MIA3: variants seen among roughly 807,000 people sequenced by gnomAD.
MIA3 encodes the protein MIA SH3 domain ER export factor 3.
Under a neutral mutation model 192.4 loss-of-function variants are expected in MIA3, and 90 were observed. The ratio of observed to expected loss-of-function variants is 0.47; its 90% CI spans 0.39 to 0.56. The LOEUF is 0.56. Among genes scored for constraint, MIA3 ranks in the 20% least tolerant of loss-of-function variants. The probability of loss-of-function intolerance (pLI) is 0.00; values close to 1 mark genes in which losing one functional copy is unlikely to be tolerated. For synonymous variants in MIA3, 740 were observed against 792.8 expected (o/e 0.93, Z 1.12); for missense variants, 2,123 against 2,269.4 (o/e 0.94, Z 1.31).
At chr1:222,651,809 T>G (rs1262583284) in intron 11 of MIA3, among the ~76,000 whole-genome samples, 168 bp from the exon 12 acceptor site, 1 of 152,182 alleles carries the variant, frequency 6.6e-6, no homozygotes, top group African/African-American at 2.4e-5. Flanking sequence ...CCTTACCTCT[T>G]TAAGTTCTTG....
intron 6 of MIA3, chr1:222,644,725 G>A: frequency 1.1e-6 from 1 of 915,366 alleles, no homozygotes; most frequent in Non-Finnish European, 1.7e-6. Context: ...ACGTTTCTAT[G>A]CTGTTTAGGG....
intron 6 of MIA3, among the ~76,000 whole-genome samples, chr1:222,634,339 A>G (rs977543671): frequency 1.3e-5 from 2 of 152,102 alleles, no homozygotes; most frequent in African/African-American, 4.8e-5. Context: ...TAAAAATAAA[A>G]AAGTATGGAG....
chr1:222,665,026 C>A, intron 27 of MIA3: 1 of 419,838 alleles, frequency 2.4e-6, no homozygotes, highest in East Asian at 5.3e-5. Context: ...GGTGAAACCC[C>A]CATCTCTACA....
At chr1:222,658,954 T>G (rs1467495458) in intron 19 of MIA3, 131 bp downstream of exon 19, 2 of 592,124 alleles carry the variant, frequency 3.4e-6, no homozygotes, top group East Asian at 6.2e-5. Flanking sequence ...AAAACTAAAT[T>G]TTAAGTTAAC....
At chr1:222,622,827 T>C (rs9441835) in intron 2 of MIA3, among the ~76,000 whole-genome samples, 109,432 of 151,640 alleles carry the variant, frequency 0.72, 40,080 homozygotes, top group Non-Finnish European at 0.8. Context: ...CACGTCTTCA[T>C]CTCTGGATGT....
At chr1:222,662,025 C>T in intron 24 of MIA3, 31 bp from the exon 25 acceptor site, 1 of 1,572,320 alleles carries the variant, frequency 6.4e-7, no homozygotes, top group Non-Finnish European at 8.7e-7. Context: ...CCAAAAAATA[C>T]ATATAAGGAC....
rs2936052 is a variant in MIA3 at position 222,629,034 on chromosome 1, A to G, written c.1814A>G (p.Lys605Arg). 319,570 of 1,613,908 alleles carry G rather than the reference A, an allele frequency of 0.2. 35,014 individuals are homozygous for G. Among genetic ancestry groups the G allele is most frequent in the Admixed American group, 0.43 (25,597 of 59,990 alleles). The change falls in exon 4 of 28, where the codon AAA becomes AGA. Residue 605 changes from lysine to arginine, a missense_variant. This residue lies in a region of MIA3 where 1,357 missense variants were observed against 1,396.1 expected (regional missense o/e 0.97). Coordinates refer to ENST00000344922, the MANE Select transcript of MIA3 (RefSeq NM_198551.4). The stretch of plus-strand genomic sequence containing the variant: ...GGAGACGCTTTGGTAAATGGGGCCA[A>G]ACTGCACACGCTTTCAGTGGAGCAT... ...VEGDALVNGA[K>R]LHTLSVEHQR... is the part of the protein sequence containing the mutation.
chr1:222,658,527 A>G (rs1663847051), intron 18 of MIA3, 195 bp from the exon 19 acceptor site: 2 of 432,948 alleles, frequency 4.6e-6, no homozygotes, highest in East Asian at 4.3e-5. Context: ...ATGAGACGTT[A>G]GAAAATGCAG....
In MIA3 at chr1:222,633,180, G is replaced by C; in HGVS notation, c.3408G>C (p.Pro1136=). 1 of 1,614,002 alleles carries C rather than the reference G, an allele frequency of 6.2e-7. No homozygotes were observed. The highest frequency in any genetic ancestry group is 8.5e-7 in the Non-Finnish European group (1 of 1,179,950). Residue 1136 remains proline, a synonymous_variant, in exon 6 of 28, where the codon CCG becomes CCC. Coordinates refer to ENST00000344922, the MANE Select transcript of MIA3 (RefSeq NM_198551.4). ...NKQPETAAEE[P]ASVTPLENAI... ...AACCAGAGACAGCCGCCGAAGAGCC[G>C]GCAAGTGTCACACCTTTGGAAAACG...
rs1231895198 is a variant in MIA3 at position 222,647,962 on chromosome 1, G to A, written c.3610-867G>A. On this transcript the variant is annotated intron_variant, in intron 7 of 27. Coordinates refer to ENST00000344922, the MANE Select transcript of MIA3 (RefSeq NM_198551.4). ...AGTAATACAGTATATTATGTAAACA[G>A]TATATTTACTGAGCTTATGGATGAT... is the stretch of plus-strand genomic sequence containing the variant. 3 of 350,462 alleles carry A rather than the reference G, an allele frequency of 8.6e-6. No individual in the cohort carries two copies. The East Asian group carries it at 2.4e-4, about 28-fold the overall frequency. 21.7% of individuals were successfully genotyped at this position (350,462 alleles called of 1,614,324 possible). A position where few individuals can be genotyped will look rare whatever the true frequency, so the allele number is the denominator to read the frequency against.
chr1:222,638,597 T>C (rs1196911016), intron 6 of MIA3, among the ~76,000 whole-genome samples: 1 of 151,610 alleles, frequency 6.6e-6, no homozygotes, highest in African/African-American at 2.4e-5. Flanking sequence ...CTCAGGAGGC[T>C]GAAGTGGGAA....
Position 222,628,177 on chromosome 1 carries a change from G to A in MIA3, c.957G>A (p.Glu319=), listed in dbSNP as rs147177797. 736 of 1,613,994 alleles carry A rather than the reference G, an allele frequency of 4.6e-4. 5 individuals carry two copies. The African/African-American group carries it at 8.5e-3, about 19-fold the overall frequency. ...TEYYAVGKED[E]ENQEDFDELP... ...ATTATGCAGTTGGAAAGGAAGATGA[G>A]GAGAACCAAGAAGACTTTGATGAGT... The change falls in exon 4 of 28, where the codon GAG becomes GAA. Residue 319 remains glutamate, a synonymous_variant. Coordinates refer to ENST00000344922, the MANE Select transcript of MIA3 (RefSeq NM_198551.4).
chr1:222,632,227 G>C lies in MIA3; in HGVS notation c.3232G>C (p.Val1078Leu). Residue 1078 changes from valine to leucine, a missense_variant, in exon 5 of 28, where the codon GTT (valine) becomes CTT (leucine). Transcript: ENST00000344922. ...GAAGACAGCAGAACTTAATGTGCAG[G>C]TTCCTGAAGAACCCACCCACTTGGA... is the stretch of plus-strand genomic sequence containing the variant. Reference protein sequence around the residue: ...REKTAELNVQVPEEPTHLDQR... With the variant: ...REKTAELNVQLPEEPTHLDQR... The C allele has an allele frequency of 6.2e-7, 1 of 1,614,118 alleles. No homozygotes were observed. The highest frequency in any genetic ancestry group is 8.5e-7 in the Non-Finnish European group (1 of 1,179,994).
At chr1:222,644,463 G>C in intron 6 of MIA3, 1 of 1,550,528 alleles carries the variant, frequency 6.4e-7, no homozygotes, top group Non-Finnish European at 8.7e-7. Flanking sequence ...CTTGCGTTCA[G>C]CTGTTCTACA....
At position 222,652,031 on chromosome 1, in the gene MIA3, G is replaced by T. The variant is rs371041438; in HGVS notation, c.3964G>T (p.Ala1322Ser). ...EKLKDVISMN[A>S]SEFSEVQIAL... ...GTTAAAGGATGTTATTTCAATGAATGCCTCAGAATTTTCAGAGGTAAAGCT... is the reference window on the plus strand; with the variant it reads ...GTTAAAGGATGTTATTTCAATGAATTCCTCAGAATTTTCAGAGGTAAAGCT... The change falls in exon 12 of 28, where the codon GCC becomes TCC. Residue 1322 changes from alanine (A) to serine (S), a missense_variant. Physicochemically the swap from Ala to Ser is moderately conservative, Grantham distance 99. This residue lies in a region of MIA3 where 762 missense variants were observed against 856.4 expected (regional missense o/e 0.89). Transcript: ENST00000344922. 7.6e-6 allele frequency: 12 copies of T among 1,569,372 alleles called. No individual in the cohort carries two copies. Among genetic ancestry groups the T allele is most frequent in the Non-Finnish European group, 1.1e-5 (12 of 1,139,546 alleles).
intron 6 of MIA3, among the ~76,000 whole-genome samples, chr1:222,643,858 C>A (rs192147867): frequency 6.6e-6 from 1 of 152,114 alleles, no homozygotes; most frequent in Non-Finnish European, 1.5e-5. Context: ...CTGGGTAAGA[C>A]TTTTTAATAG....
At position 222,618,810 on chromosome 1, in the gene MIA3, C is replaced by G. The variant is rs1023088098; in HGVS notation, c.133+567C>G. ...TCCCTGGCGCTGCTCCTTTGCCCTT[C>G]TGCTTTATTGGGATTTGGGCTTGTA... On this transcript the variant is annotated intron_variant, in intron 1 of 27. Transcript: ENST00000344922. Among the ~76,000 whole-genome samples the G allele has an allele frequency of 2.6e-5, 4 of 152,314 alleles. No homozygotes were observed. In the East Asian group the frequency reaches 5.8e-4, roughly 22 times the overall value.
At chr1:222,644,486 T>A (rs1299617766) in intron 6 of MIA3, 1 of 1,550,584 alleles carries the variant, frequency 6.4e-7, no homozygotes, top group Non-Finnish European at 8.7e-7. Flanking sequence ...ATGGACTCAG[T>A]ACCTGCCACT....
chr1:222,618,863 T>C lies in MIA3; in HGVS notation c.133+620T>C, dbSNP rs551065686. On this transcript the variant is annotated intron_variant, in intron 1 of 27. Transcript: ENST00000344922. ...GCCTTTTGAACAGGAATTGGGAGTT[T>C]AGGTTTGGGACGAGTCTGGAGTCCA... Among the ~76,000 whole-genome samples, 6 of 152,262 alleles carry C rather than the reference T, an allele frequency of 3.9e-5. No homozygotes were observed. In the South Asian group the frequency reaches 1.2e-3, roughly 32 times the overall value.
Sources: gnomAD v4.1 joint callset for allele counts (sites outside exome capture counted in the v4.1 genomes callset) on GRCh38, gnomAD v4.1.1 for gene constraint, gnomAD v4.1.1 regional missense constraint, MANE v1.5 for transcripts, NCBI Gene and HGNC (gene_info 2026-07-23, HGNC 2026-07-21) for gene names.